INO80: variants seen among roughly 807,000 people sequenced by gnomAD.
INO80 encodes chromatin-remodeling ATPase INO80.
INO80 carries 20 observed loss-of-function variants against 203.4 expected under a neutral mutation model. That is an observed-to-expected ratio of 0.10 (90% CI 0.07 to 0.14). INO80 has a LOEUF of 0.14. Ranked by LOEUF, INO80 falls within the 10% of genes least tolerant of loss-of-function variation. The pLI is 1.00. For missense variants in INO80, 1,419 were observed against 1,914.4 expected, an observed-to-expected ratio of 0.74 and a Z score of 4.83; for synonymous variants, 726 against 685.2, an observed-to-expected ratio of 1.06 and a Z score of -0.93.
At chr15:41,094,451 G>A (rs2045690852) in intron 4 of INO80, among the ~76,000 whole-genome samples, 1 of 152,066 alleles carries the variant, frequency 6.6e-6, no homozygotes, top group Non-Finnish European at 1.5e-5. Context: ...GAAATGTTAC[G>A]TCTTTAAAGA....
intron 5 of INO80, among the ~76,000 whole-genome samples, chr15:41,089,743 C>CAAAA (rs796081701): frequency 1.8e-5 from 2 of 112,980 alleles, no homozygotes; most frequent in Non-Finnish European, 1.9e-5. Context: ...AACTCAATCT[C>CAAAA]AAAAAAAAAA....
At chr15:41,110,733 G>GT (rs1199633214) in intron 1 of INO80, among the ~76,000 whole-genome samples, 2 of 152,110 alleles carry the variant, frequency 1.3e-5, no homozygotes, top group African/African-American at 4.8e-5. Context: ...GAAGGTCTTG[G>GT]TTTTTTATTT....
chr15:40,980,192 T>G lies in INO80; in HGVS notation c.*31A>C. 1.9e-6 allele frequency: 3 copies of G among 1,569,512 alleles called. No homozygotes were observed. Among genetic ancestry groups the G allele is most frequent in the Non-Finnish European group, 2.6e-6 (3 of 1,141,174 alleles). On this transcript the variant is annotated 3_prime_UTR_variant, in exon 36 of 36. Transcript: ENST00000648947. Reference sequence around the variant, plus strand: ...GGCAGGTCAGGACTCTAGCCCTGGTTTGGTTGAAGGAAGTCGGAGGGCCCA... The same window carrying G: ...GGCAGGTCAGGACTCTAGCCCTGGTGTGGTTGAAGGAAGTCGGAGGGCCCA...
chr15:41,068,045 GAATT>G (rs2045250667), intron 14 of INO80, among the ~76,000 whole-genome samples: 1 of 152,078 alleles, frequency 6.6e-6, no homozygotes, highest in South Asian at 2.1e-4. Context: ...CTTTTCCTCT[GAATT>G]AATTAAATCG....
At chr15:41,107,040 TAC>T (rs2045889700) in intron 1 of INO80, among the ~76,000 whole-genome samples, 1 of 152,364 alleles carries the variant, frequency 6.6e-6, no homozygotes, top group Admixed American at 6.5e-5. Context: ...CCTTTTGTCT[TAC>T]AGATTCCACT....
intron 19 of INO80, among the ~76,000 whole-genome samples, chr15:41,051,718 G>A (rs1263255942): frequency 6.6e-6 from 1 of 152,120 alleles, no homozygotes; most frequent in African/African-American, 2.4e-5. Flanking sequence ...ACTTTGGGAG[G>A]CCGAGGTGGG....
At chr15:41,043,344 C>T (rs1040845330) in intron 24 of INO80, among the ~76,000 whole-genome samples, 1 of 152,120 alleles carries the variant, frequency 6.6e-6, no homozygotes, top group Non-Finnish European at 1.5e-5. Context: ...GAAGATTAAG[C>T]AACTCTTCAG....
chr15:41,085,659 G>T, intron 6 of INO80, 76 bp from the exon 7 acceptor site: 1 of 1,138,610 alleles, frequency 8.8e-7, no homozygotes, highest in African/African-American at 1.5e-5. Flanking sequence ...CTTAAAACAT[G>T]CAAGGTTCTT....
At chr15:41,092,683 A>G (rs1306087353) in intron 4 of INO80, among the ~76,000 whole-genome samples, 2 of 152,228 alleles carry the variant, frequency 1.3e-5, no homozygotes, top group East Asian at 1.9e-4. Context: ...AGGGGCTACA[A>G]TATGAAGAAT....
intron 7 of INO80, among the ~76,000 whole-genome samples, 175 bp downstream of exon 7, chr15:41,085,194 T>C (rs1596318033): frequency 2.0e-5 from 3 of 152,356 alleles, no homozygotes; most frequent in South Asian, 4.1e-4. Context: ...TCTGACCACA[T>C]TCTAGAAGAA....
chr15:40,982,025 G>A (rs560034113), intron 35 of INO80, among the ~76,000 whole-genome samples: 4 of 152,180 alleles, frequency 2.6e-5, no homozygotes, highest in South Asian at 4.1e-4. Flanking sequence ...CAACTGCTGT[G>A]GCTGCCTTCT....
chr15:41,057,630 C>T (rs138875081), intron 16 of INO80, among the ~76,000 whole-genome samples: 11 of 151,636 alleles, frequency 7.3e-5, no homozygotes, highest in African/African-American at 2.7e-4. Context: ...AACCCCATCT[C>T]TACTAAAAAT....
intron 24 of INO80, among the ~76,000 whole-genome samples, chr15:41,032,406 T>G (rs1021189205): frequency 3.9e-5 from 6 of 152,070 alleles, no homozygotes; most frequent in Non-Finnish European, 7.4e-5. Context: ...AGAGGGAAAA[T>G]TAATGCAGAG....
At chr15:40,985,734 A>C (rs2043723312) in intron 31 of INO80, among the ~76,000 whole-genome samples, 2 of 152,036 alleles carry the variant, frequency 1.3e-5, no homozygotes, top group Non-Finnish European at 2.9e-5. Context: ...ACATAGTGAA[A>C]CCCCATCTCT....
Position 40,987,835 on chromosome 15 carries a change from C to T in INO80, c.3710G>A (p.Arg1237Lys). 1.2e-6 allele frequency: 2 copies of T among 1,614,120 alleles called. No individual in the cohort carries two copies. The highest frequency in any genetic ancestry group is 1.7e-6 in the Non-Finnish European group (2 of 1,180,004). Reference sequence around the variant, plus strand: ...GCTTACCTCACTCTTCTCCTTGGCTCTTTGCAGAATGCGTTCTTCAATGGT... The same window carrying T: ...GCTTACCTCACTCTTCTCCTTGGCTTTTTGCAGAATGCGTTCTTCAATGGT... ...KGTIEERILQ[R>K]AKEKSEIQRM... Residue 1237 changes from arginine (R) to lysine (K), a missense_variant, in exon 30 of 36, where the codon AGA (arginine) becomes AAA (lysine). Physicochemically the swap from Arg to Lys is conservative, Grantham distance 26. This residue lies in a region of INO80 where 65 missense variants were observed against 186.7 expected (regional missense o/e 0.35). Transcript: ENST00000648947.
rs779563203 is a variant in INO80 at position 41,059,924 on chromosome 15, C to G, written c.1785G>C (p.Val595=). Reference sequence around the variant, plus strand: ...CATGAGGATTTCCCCAATATGGTAGCACCTAGAAAAAGGGCCAATATATAC... The same window carrying G: ...CATGAGGATTTCCCCAATATGGTAGGACCTAGAAAAAGGGCCAATATATAC... ...EFTRFVPKFK[V]LPYWGNPHDR... is the part of the protein sequence containing the mutation. Residue 595 remains valine (V), a splice_region_variant and synonymous_variant, in exon 15 of 36, where the codon GTG becomes GTC. Coordinates refer to ENST00000648947, the MANE Select transcript of INO80 (RefSeq NM_017553.3). The G allele has an allele frequency of 6.2e-7, 1 of 1,605,842 alleles. No individual in the cohort carries two copies. Among genetic ancestry groups the G allele is most frequent in the South Asian group, 1.1e-5 (1 of 90,052 alleles).
Position 41,074,403 on chromosome 15 carries a change from C to T in INO80, c.1294G>A (p.Gly432Arg). ...TCCTGTGTGATGTTAACTACCACTC[C>T]TCCACCTATATCGATTTGTCTCTGG... ...STQRQIDIGG[G>R]VVVNITQEDY... Residue 432 changes from glycine to arginine, a missense_variant, in exon 10 of 36, where the codon GGA becomes AGA. Coordinates refer to ENST00000648947, the MANE Select transcript of INO80 (RefSeq NM_017553.3). The T allele has an allele frequency of 5.0e-6, 8 of 1,613,746 alleles. No homozygotes were observed. Among genetic ancestry groups the T allele is most frequent in the Non-Finnish European group, 6.8e-6 (8 of 1,179,852 alleles).
chr15:41,054,274 C>T (rs1290091420), intron 18 of INO80, among the ~76,000 whole-genome samples: 1 of 152,136 alleles, frequency 6.6e-6, no homozygotes, highest in Non-Finnish European at 1.5e-5. Flanking sequence ...GACATTTTAT[C>T]ACTAATAGGG....
At chr15:41,055,491 T>A (rs2044966450) in intron 17 of INO80, 127 bp from the exon 18 acceptor site, 1 of 412,036 alleles carries the variant, frequency 2.4e-6, no homozygotes, top group Admixed American at 4.2e-5. Flanking sequence ...TATGTGTGAA[T>A]GAAAGACAGA....
Sources: gnomAD v4.1 joint callset for allele counts (sites outside exome capture counted in the v4.1 genomes callset) on GRCh38, gnomAD v4.1.1 for gene constraint, gnomAD v4.1.1 regional missense constraint, MANE v1.5 for transcripts, NCBI Gene and HGNC (gene_info 2026-07-23, HGNC 2026-07-21) for gene names.